ADGRV1: variants seen among roughly 807,000 people sequenced by gnomAD.
The protein encoded by ADGRV1 is G-protein coupled receptor 98.
In ADGRV1, 359 loss-of-function variants were observed where a neutral mutation model predicts 596.2. The observed-to-expected ratio is 0.60, with a 90% CI of 0.55 to 0.66. The LOEUF is 0.66. ADGRV1 is among the 30% of genes least tolerant of loss of function. The probability of loss-of-function intolerance (pLI) is 0.00; values close to 1 mark genes in which losing one functional copy is unlikely to be tolerated. For missense variants in ADGRV1, 7,274 were observed against 7,575.6 expected, an observed-to-expected ratio of 0.96 and a Z score of 1.48; for synonymous variants, 2,681 against 2,679.2, an observed-to-expected ratio of 1.00 and a Z score of -0.02.
intron 50 of ADGRV1, among the ~76,000 whole-genome samples, chr5:90,734,987 C>G (rs1456082191): frequency 1.3e-5 from 2 of 151,996 alleles, no homozygotes; most frequent in African/African-American, 4.8e-5. Context: ...TTGGGTTGTC[C>G]CTTCATTTTG....
At position 90,745,718 on chromosome 5, in the gene ADGRV1, G is replaced by A; in HGVS notation, c.10897G>A (p.Glu3633Lys). 6.2e-7 allele frequency: 1 copy of A among 1,612,150 alleles called. No homozygotes were observed. The highest frequency in any genetic ancestry group is 8.5e-7 in the Non-Finnish European group (1 of 1,178,664). ...VQLKNPKGGA[E>K]IGINDSVTIT... is the part of the protein sequence containing the mutation. ...ACTTAAAAATCCCAAAGGAGGAGCA[G>A]AGATTGGCATTAATGATTCTGTAAC... The change falls in exon 52 of 90, where the codon GAG becomes AAG. Residue 3633 changes from glutamate to lysine, a missense_variant. Transcript: ENST00000405460.
chr5:91,060,035 T>C (rs1787262610), intron 85 of ADGRV1, among the ~76,000 whole-genome samples: 1 of 152,118 alleles, frequency 6.6e-6, no homozygotes, highest in Non-Finnish European at 1.5e-5. Flanking sequence ...ATTAAAAAAT[T>C]AGGATACCAG....
At chr5:90,768,393 C>G (rs775339666) in intron 59 of ADGRV1, among the ~76,000 whole-genome samples, 8 of 152,166 alleles carry the variant, frequency 5.3e-5, no homozygotes, top group Non-Finnish European at 1.0e-4. Context: ...TTCATCATCT[C>G]TCAGTTCTAC....
intron 85 of ADGRV1, among the ~76,000 whole-genome samples, chr5:91,036,375 C>T (rs1448898115): frequency 5.3e-5 from 8 of 151,938 alleles, no homozygotes; most frequent in South Asian, 4.2e-4. Flanking sequence ...CTGGCTAACA[C>T]GGTGAAACCC....
intron 48 of ADGRV1, among the ~76,000 whole-genome samples, chr5:90,727,450 C>T (rs1751946373): frequency 6.6e-6 from 1 of 152,136 alleles, no homozygotes; most frequent in Non-Finnish European, 1.5e-5. Flanking sequence ...ATAGTGTCCT[C>T]CTAGCTGTTC....
chr5:90,591,739 T>C (rs1165227590), intron 1 of ADGRV1, among the ~76,000 whole-genome samples: 1 of 152,186 alleles, frequency 6.6e-6, no homozygotes, highest in Non-Finnish European at 1.5e-5. Flanking sequence ...GAAACATTCT[T>C]TTAGTAGCTA....
chr5:90,990,771 C>T (rs1005492373), intron 85 of ADGRV1, among the ~76,000 whole-genome samples: 65 of 152,100 alleles, frequency 4.3e-4, no homozygotes, highest in African/African-American at 1.5e-3. Flanking sequence ...TGAAATCTGC[C>T]CCTGAGTGAT....
intron 38 of ADGRV1, among the ~76,000 whole-genome samples, chr5:90,706,786 A>G (rs1748670174): frequency 6.6e-6 from 1 of 150,784 alleles, no homozygotes; most frequent in African/African-American, 2.4e-5. Flanking sequence ...CTCTACAATT[A>G]TAATACCAGA....
chr5:90,641,966 C>T (rs183079389), intron 11 of ADGRV1, among the ~76,000 whole-genome samples: 8 of 152,272 alleles, frequency 5.3e-5, no homozygotes, highest in Non-Finnish European at 1.0e-4. Flanking sequence ...TATAACATGT[C>T]ATGCATCTCA....
chr5:90,746,076 G>A (rs539974606), intron 52 of ADGRV1, among the ~76,000 whole-genome samples: 5 of 152,192 alleles, frequency 3.3e-5, no homozygotes, highest in South Asian at 2.1e-4. Flanking sequence ...AGTTGATCTT[G>A]GTCTGAAAGT....
At chr5:90,828,810 G>A in intron 76 of ADGRV1, 134 bp from the exon 77 acceptor site, 1 of 492,518 alleles carries the variant, frequency 2.0e-6, no homozygotes, top group Admixed American at 4.0e-5. Flanking sequence ...TAATTATACA[G>A]AATATATCTC....
chr5:91,035,861 T>TATATATATATATA, intron 85 of ADGRV1, among the ~76,000 whole-genome samples: 1 of 96,402 alleles, frequency 1.0e-5, no homozygotes, highest in African/African-American at 3.8e-5. Flanking sequence ...TATATATATA[T>TATATATATATATA]TATATATATA....
chr5:91,132,456 G>C (rs967120986), intron 87 of ADGRV1, among the ~76,000 whole-genome samples: 4 of 152,300 alleles, frequency 2.6e-5, no homozygotes, highest in African/African-American at 9.6e-5. Flanking sequence ...ATTAAGTTCT[G>C]AGGGTACAAT....
At position 90,627,202 on chromosome 5, in the gene ADGRV1, C is replaced by A. The variant is rs376043431; in HGVS notation, c.673-9C>A. 1.3e-6 allele frequency: 2 copies of A among 1,482,964 alleles called. No homozygotes were observed. The highest frequency in any genetic ancestry group is 2.8e-5 in the African/African-American group (2 of 71,394). The allele number at this position is 1,482,964 out of a possible 1,614,324, so 91.9% of individuals were successfully genotyped here. A position where few individuals can be genotyped will look rare whatever the true frequency, so the allele number is the denominator to read the frequency against. ...TGATGTTTTGCCTCTGTTTATATTC[C>A]TTTAACAGGTACCAGAAAATGATGA... On this transcript the variant is annotated splice_polypyrimidine_tract_variant and intron_variant, in intron 6 of 89. Transcript: ENST00000405460.
intron 87 of ADGRV1, among the ~76,000 whole-genome samples, chr5:91,111,847 T>G (rs1163791347): frequency 6.6e-6 from 1 of 152,100 alleles, no homozygotes; most frequent in Non-Finnish European, 1.5e-5. Context: ...TTTTCTAGAG[T>G]GAGAATTCAG....
intron 84 of ADGRV1, among the ~76,000 whole-genome samples, chr5:90,971,098 G>A (rs1581668080): frequency 6.6e-6 from 1 of 152,096 alleles, no homozygotes; most frequent in Admixed American, 6.5e-5. Context: ...TGGAAGAAAG[G>A]GTATCAGTGA....
chr5:90,702,171 A>G (rs745654569), intron 34 of ADGRV1, among the ~76,000 whole-genome samples: 1 of 151,882 alleles, frequency 6.6e-6, no homozygotes, highest in Non-Finnish European at 1.5e-5. Flanking sequence ...GAGAGACACC[A>G]GAGTTTCACA....
rs1279135988 is a variant in ADGRV1, at chr5:90,778,906, T to C, written c.12891T>C (p.His4297=). Residue 4297 remains histidine, a synonymous_variant, in exon 64 of 90, where the codon CAT becomes CAC. Transcript: ENST00000405460. Reference sequence around the variant, plus strand: ...TCCGTTCCAGTGGAGATTTTGGCCATGTGCGACTCTGGTACAAGACGATGA... The same window carrying C: ...TCCGTTCCAGTGGAGATTTTGGCCACGTGCGACTCTGGTACAAGACGATGA... ...TIIRSSGDFG[H]VRLWYKTMSG... 2 of 1,613,336 alleles carry C rather than the reference T, an allele frequency of 1.2e-6. No individual in the cohort carries two copies. Among genetic ancestry groups the C allele is most frequent in the Admixed American group, 1.7e-5 (1 of 59,972 alleles).
intron 45 of ADGRV1, among the ~76,000 whole-genome samples, chr5:90,721,832 G>C (rs181920916): frequency 6.6e-6 from 1 of 151,944 alleles, no homozygotes; most frequent in African/African-American, 2.4e-5. Context: ...AAAGGACTGG[G>C]TTGGAAGAAC....
Sources: allele counts gnomAD v4.1 joint callset (sites outside exome capture counted in the v4.1 genomes callset), GRCh38; gene constraint gnomAD v4.1.1; transcripts MANE v1.5; gene names NCBI Gene and HGNC (gene_info 2026-07-23, HGNC 2026-07-21).